The following ENOX1 variants were observed in gnomAD, a reference collection of about 807,000 sequenced individuals.
ENOX1 encodes ecto-NOX disulfide-thiol exchanger 1, also known as candidate growth-related and time keeping constitutive hydroquinone (NADH) oxidase.
In ENOX1, 42 loss-of-function variants were observed where a neutral mutation model predicts 82.5. The observed-to-expected ratio is 0.51, with a 90% CI of 0.40 to 0.66. The LOEUF is 0.66. Among genes scored for constraint, ENOX1 ranks in the 30% least tolerant of loss-of-function variants. ENOX1 has a pLI of 0.00. For synonymous variants in ENOX1, 271 were observed against 282.2 expected (o/e 0.96, Z 0.40); for missense variants, 608 against 811.6 (o/e 0.75, Z 3.05).
intron 2 of ENOX1, among the ~76,000 whole-genome samples, chr13:43,495,472 T>C (rs1393080093): frequency 1.3e-5 from 2 of 152,134 alleles, no homozygotes; most frequent in African/African-American, 4.8e-5. Context: ...GTAATGATTA[T>C]AATTCTTGTT....
chr13:43,783,879 C>T (rs1412005834), intron 1 of ENOX1, among the ~76,000 whole-genome samples: 3 of 152,148 alleles, frequency 2.0e-5, no homozygotes, highest in South Asian at 4.1e-4. Flanking sequence ...CTTCACCTTA[C>T]TCAAATGAAA....
At chr13:43,387,492 C>T (rs934664840) in intron 5 of ENOX1, among the ~76,000 whole-genome samples, 2 of 152,088 alleles carry the variant, frequency 1.3e-5, no homozygotes, top group African/African-American at 4.8e-5. Flanking sequence ...GGTACAGTGA[C>T]AGATATGAGA....
At chr13:43,583,869 A>G (rs1164605760) in intron 2 of ENOX1, among the ~76,000 whole-genome samples, 3 of 145,710 alleles carry the variant, frequency 2.1e-5, no homozygotes, top group Non-Finnish European at 3.0e-5. Context: ...GTACCTTTGT[A>G]TTCTAATCAC....
At chr13:43,230,458 G>A (rs1187348403) in intron 15 of ENOX1, among the ~76,000 whole-genome samples, 1 of 152,136 alleles carries the variant, frequency 6.6e-6, no homozygotes, top group Non-Finnish European at 1.5e-5. Flanking sequence ...AAAGGTACAA[G>A]ATAGTAGAGT....
intron 1 of ENOX1, among the ~76,000 whole-genome samples, chr13:43,726,331 C>A (rs918139225): frequency 2.6e-5 from 4 of 151,018 alleles, no homozygotes; most frequent in Non-Finnish European, 5.9e-5. Flanking sequence ...ATTCTCCTGT[C>A]TCAGCCTCCT....
chr13:43,667,774 C>T (rs950298599), intron 1 of ENOX1, among the ~76,000 whole-genome samples: 2 of 152,152 alleles, frequency 1.3e-5, no homozygotes, highest in South Asian at 2.1e-4. Flanking sequence ...ACAAAGCCTC[C>T]GAACTGTCAA....
chr13:43,522,871 A>T (rs577361314), intron 2 of ENOX1, among the ~76,000 whole-genome samples: 73 of 152,290 alleles, frequency 4.8e-4, no homozygotes, highest in African/African-American at 1.7e-3. Context: ...AAAACACAGC[A>T]TGGTTCCACA....
At chr13:43,312,717 T>A (rs573190686) in intron 11 of ENOX1, among the ~76,000 whole-genome samples, 1 of 152,294 alleles carries the variant, frequency 6.6e-6, no homozygotes, top group South Asian at 2.1e-4. Flanking sequence ...AGGAAATAAA[T>A]GTCACTCAAT....
rs142084420 is a variant in ENOX1, at chr13:43,644,518, C to T, written c.-219+22961G>A. Among the ~76,000 whole-genome samples the T allele has an allele frequency of 6.0e-3, 912 of 152,098 alleles. 5 individuals carry two copies. The highest frequency in any genetic ancestry group is 0.01 in the Non-Finnish European group (697 of 67,982). On this transcript the variant is annotated intron_variant, in intron 2 of 16. Coordinates refer to ENST00000690772, the MANE Select transcript of ENOX1 (RefSeq NM_001347969.2). ...AATAGACAATAAGTGAATGCTTTAG[C>T]GAAGGAATTTAACTAAGAATTTAAA...
intron 14 of ENOX1, among the ~76,000 whole-genome samples, chr13:43,249,851 C>T (rs1469386828): frequency 6.6e-6 from 1 of 152,152 alleles, no homozygotes; most frequent in Non-Finnish European, 1.5e-5. Context: ...TTCTCTCACA[C>T]CCCCAAATTG....
chr13:43,561,277 A>G (rs567911114), intron 2 of ENOX1, among the ~76,000 whole-genome samples: 2 of 152,288 alleles, frequency 1.3e-5, no homozygotes, highest in South Asian at 4.1e-4. Flanking sequence ...ATGCCAAGGC[A>G]AAAGCACAGC....
rs534031208 is a variant in ENOX1 at position 43,471,670 on chromosome 13, C to T, written c.-75+12339G>A. Among the ~76,000 whole-genome samples the T allele has an allele frequency of 3.2e-3, 492 of 151,770 alleles. 2 individuals carry two copies. Among genetic ancestry groups the T allele is most frequent in the African/African-American group, 0.011 (467 of 41,380 alleles). The stretch of plus-strand genomic sequence containing the variant: ...TTAAAAATACAAAAAATTAGCCTGG[C>T]GTGGTGGCAGGCGCCTGTAGTCCCA... On this transcript the variant is annotated intron_variant, in intron 3 of 16. Transcript: ENST00000690772.
At chr13:43,538,091 G>T (rs1366517358) in intron 2 of ENOX1, among the ~76,000 whole-genome samples, 2 of 152,202 alleles carry the variant, frequency 1.3e-5, no homozygotes, top group Non-Finnish European at 2.9e-5. Flanking sequence ...CTGTACCAGG[G>T]TTCAACCCAT....
chr13:43,490,503 C>T (rs968277859), intron 2 of ENOX1, among the ~76,000 whole-genome samples: 1 of 151,958 alleles, frequency 6.6e-6, no homozygotes, highest in African/African-American at 2.4e-5. Context: ...AAAATGTGTC[C>T]CCTTCAAAAT....
chr13:43,726,148 AAAG>A (rs1178679911), intron 1 of ENOX1, among the ~76,000 whole-genome samples: 1 of 152,156 alleles, frequency 6.6e-6, no homozygotes, highest in African/African-American at 2.4e-5. Flanking sequence ...AATCCACAAT[AAAG>A]AATACACCAA....
intron 2 of ENOX1, among the ~76,000 whole-genome samples, chr13:43,528,875 GA>G: frequency 6.6e-6 from 1 of 152,034 alleles, no homozygotes; most frequent in Admixed American, 6.6e-5. Flanking sequence ...GAAAGTGATT[GA>G]CCCACTTAAT....
At chr13:43,380,723 T>G (rs1188099406) in intron 5 of ENOX1, among the ~76,000 whole-genome samples, 1 of 151,500 alleles carries the variant, frequency 6.6e-6, no homozygotes, top group Non-Finnish European at 1.5e-5. Flanking sequence ...AAATACACCA[T>G]GCTAACATTA....
chr13:43,277,642 T>C, intron 12 of ENOX1, among the ~76,000 whole-genome samples: 1 of 152,130 alleles, frequency 6.6e-6, no homozygotes, highest in East Asian at 1.9e-4. Flanking sequence ...ATCTGAGCAA[T>C]GTCTCCCAGC....
At chr13:43,217,270 A>G (rs1213516464) in intron 16 of ENOX1, among the ~76,000 whole-genome samples, 1 of 152,230 alleles carries the variant, frequency 6.6e-6, no homozygotes, top group East Asian at 1.9e-4. Context: ...TTAGAGTGAT[A>G]GCAACATCAA....
Sources: allele counts gnomAD v4.1 joint callset (sites outside exome capture counted in the v4.1 genomes callset), GRCh38; gene constraint gnomAD v4.1.1; transcripts MANE v1.5; gene names NCBI Gene and HGNC (gene_info 2026-07-23, HGNC 2026-07-21).